The following JAM3 variants were observed in gnomAD, a reference collection of about 807,000 sequenced individuals.
The protein encoded by JAM3 is junctional adhesion molecule 3, also known as junctional adhesion molecule C.
A neutral mutation model predicts 39.4 loss-of-function variants in JAM3; 31 were observed. The observed-to-expected ratio is 0.79, with a 90% CI of 0.59 to 1.06. The LOEUF (loss-of-function observed/expected upper bound fraction) is 1.06. Ranked by LOEUF, JAM3 falls within the 50% of genes least tolerant of loss-of-function variation. JAM3 has a pLI of 0.00. For synonymous variants in JAM3, 182 were observed against 148.7 expected, an observed-to-expected ratio of 1.22 and a Z score of -1.63; for missense variants, 455 against 391.4, an observed-to-expected ratio of 1.16 and a Z score of -1.37.
At chr11:134,114,950 C>G (rs1334577008) in intron 1 of JAM3, among the ~76,000 whole-genome samples, 1 of 152,174 alleles carries the variant, frequency 6.6e-6, no homozygotes, top group Admixed American at 6.6e-5. Context: ...AAATCTCGAA[C>G]AAAGAATCCT....
intron 1 of JAM3, among the ~76,000 whole-genome samples, chr11:134,116,158 T>C (rs1006750897): frequency 6.6e-6 from 1 of 152,180 alleles, no homozygotes; most frequent in African/African-American, 2.4e-5. Context: ...GAGAATCAGA[T>C]AATTTGTGGA....
intron 1 of JAM3, among the ~76,000 whole-genome samples, chr11:134,120,034 C>T (rs1942504281): frequency 6.6e-6 from 1 of 151,912 alleles, no homozygotes; most frequent in Non-Finnish European, 1.5e-5. Flanking sequence ...TGTTCTTTAT[C>T]CACCCCCACC....
rs79830063 is a variant in JAM3, at chr11:134,139,712, G to T, written c.77-139G>T. The T allele has an allele frequency of 3.3e-3, 2,358 of 722,000 alleles. 32 individuals are homozygous for T. The African/African-American group carries it at 0.033, about 10-fold the overall frequency. 44.7% of individuals were successfully genotyped at this position (722,000 alleles called of 1,614,324 possible). A position where few individuals can be genotyped will look rare whatever the true frequency, so the allele number is the denominator to read the frequency against. On this transcript the variant is annotated intron_variant, in intron 1 of 8. Coordinates refer to ENST00000299106, the MANE Select transcript of JAM3 (RefSeq NM_032801.5). ...AGCAGTTAACTTGGCTTACCTAAGA[G>T]ACTTTATTGTGGAATATTTTTCCAT...
At position 134,149,675 on chromosome 11, in the gene JAM3, G is replaced by A. The variant is rs1373233428; in HGVS notation, c.*494G>A. The A allele has an allele frequency of 1.5e-5, 7 of 456,910 alleles. No individual in the cohort carries two copies. Among genetic ancestry groups the A allele is most frequent in the South Asian group, 7.7e-5 (5 of 64,590 alleles). The allele number at this position is 456,910 out of a possible 1,614,324, so 28.3% of individuals were successfully genotyped here. On this transcript the variant is annotated 3_prime_UTR_variant, in exon 9 of 9. Coordinates refer to ENST00000299106, the MANE Select transcript of JAM3 (RefSeq NM_032801.5). ...ACTTCATCGGCCCACAGACACCACC[G>A]CAGTTTCTTCTTAAAGGCTCTGCTG...
chr11:134,076,151 C>CTTTTTTTTTTTTT (rs551303530), intron 1 of JAM3, among the ~76,000 whole-genome samples: 7 of 120,390 alleles, frequency 5.8e-5, no homozygotes, highest in African/African-American at 9.8e-5. Flanking sequence ...TCTTTTCTTT[C>CTTTTTTTTTTTTT]TTTTTTTTTT....
chr11:134,129,159 G>A (rs1165587735), intron 1 of JAM3, among the ~76,000 whole-genome samples: 4 of 141,218 alleles, frequency 2.8e-5, no homozygotes, highest in African/African-American at 1.1e-4. Context: ...TCGCTCTGTT[G>A]CCCAGGTTGG....
rs888925760 is a variant in JAM3 at position 134,150,282 on chromosome 11, C to G, written c.*1101C>G. The G allele has an allele frequency of 1.4e-4, 21 of 152,410 alleles. No homozygotes were observed. Among genetic ancestry groups the G allele is most frequent in the Admixed American group, 9.8e-4 (15 of 15,284 alleles). 9.4% of individuals were successfully genotyped at this position (152,410 alleles called of 1,614,324 possible). Reference sequence around the variant, plus strand: ...TTGCATCTCTTCAAAAGAAACCTCTCAGGTTAGCTTTGAACTGCCTCTTCC... The same window carrying G: ...TTGCATCTCTTCAAAAGAAACCTCTGAGGTTAGCTTTGAACTGCCTCTTCC... On this transcript the variant is annotated 3_prime_UTR_variant, in exon 9 of 9. Coordinates refer to ENST00000299106, the MANE Select transcript of JAM3 (RefSeq NM_032801.5).
In JAM3 at chr11:134,144,106, A is replaced by C. The variant is rs1474063598; in HGVS notation, c.257-135A>C. The C allele has an allele frequency of 9.7e-6, 8 of 826,492 alleles. No individual in the cohort carries two copies. The Admixed American group carries it at 1.4e-4, about 15-fold the overall frequency. 51.2% of individuals were successfully genotyped at this position (826,492 alleles called of 1,614,324 possible). A position where few individuals can be genotyped will look rare whatever the true frequency, so the allele number is the denominator to read the frequency against. Reference sequence around the variant, plus strand: ...TGTCCTCAAGAGAGTTCACTTCTGTACTCGGGAATAGAAATAAATATTGAT... The same window carrying C: ...TGTCCTCAAGAGAGTTCACTTCTGTCCTCGGGAATAGAAATAAATATTGAT... On this transcript the variant is annotated intron_variant, in intron 3 of 8. Coordinates refer to ENST00000299106, the MANE Select transcript of JAM3 (RefSeq NM_032801.5).
intron 1 of JAM3, among the ~76,000 whole-genome samples, chr11:134,104,436 CAATT>C (rs1424472116): frequency 6.6e-6 from 1 of 151,996 alleles, no homozygotes; most frequent in African/African-American, 2.4e-5. Flanking sequence ...CCTAACATCA[CAATT>C]AAAAGAACTA....
chr11:134,103,878 C>T (rs918329649), intron 1 of JAM3, among the ~76,000 whole-genome samples: 40 of 152,292 alleles, frequency 2.6e-4, no homozygotes, highest in Non-Finnish European at 3.7e-4. Context: ...TAGGGACCTA[C>T]AAAGAGACTT....
At chr11:134,088,789 C>T (rs1333713461) in intron 1 of JAM3, among the ~76,000 whole-genome samples, 2 of 152,144 alleles carry the variant, frequency 1.3e-5, no homozygotes, top group Admixed American at 1.3e-4. Context: ...TATATCACAT[C>T]TGTGTTTGTT....
chr11:134,092,001 A>T (rs1453979925), intron 1 of JAM3, among the ~76,000 whole-genome samples: 1 of 152,172 alleles, frequency 6.6e-6, no homozygotes, highest in African/African-American at 2.4e-5. Flanking sequence ...CATTTTAAAA[A>T]ATAATTGAGT....
At chr11:134,122,004 T>C (rs1942543184) in intron 1 of JAM3, among the ~76,000 whole-genome samples, 1 of 152,252 alleles carries the variant, frequency 6.6e-6, no homozygotes, top group Non-Finnish European at 1.5e-5. Context: ...TGTTGTGTTT[T>C]GAAATGGAGA....
At chr11:134,112,406 G>T (rs1311993311) in intron 1 of JAM3, among the ~76,000 whole-genome samples, 2 of 152,076 alleles carry the variant, frequency 1.3e-5, no homozygotes, top group Admixed American at 6.5e-5. Context: ...AATTTAAAAT[G>T]GGCTGTATAC....
At chr11:134,115,178 T>A (rs970237664) in intron 1 of JAM3, among the ~76,000 whole-genome samples, 17 of 152,330 alleles carry the variant, frequency 1.1e-4, no homozygotes, top group African/African-American at 4.1e-4. Flanking sequence ...GAAATATACT[T>A]TGATACTAAT....
In JAM3 at chr11:134,069,211, A is replaced by C. The variant is rs1285920340; in HGVS notation, c.76+52A>C. 2.5e-6 allele frequency: 4 copies of C among 1,591,248 alleles called. No homozygotes were observed. In the East Asian group the frequency reaches 9.1e-5, roughly 36 times the overall value. ...GAGACTAGGGTCTGGGGGCGACGGA[A>C]GCAGAGCGGGCCGAAGCTGCTGGAG... On this transcript the variant is annotated intron_variant, in intron 1 of 8. Coordinates refer to ENST00000299106, the MANE Select transcript of JAM3 (RefSeq NM_032801.5).
At chr11:134,091,644 T>A (rs1174097283) in intron 1 of JAM3, among the ~76,000 whole-genome samples, 1 of 139,520 alleles carries the variant, frequency 7.2e-6, no homozygotes, top group Non-Finnish European at 1.5e-5. Context: ...AAAAAAAAAA[T>A]TGTTGTCATC....
At chr11:134,079,500 C>T (rs772075371) in intron 1 of JAM3, among the ~76,000 whole-genome samples, 13 of 152,096 alleles carry the variant, frequency 8.5e-5, no homozygotes, top group African/African-American at 2.2e-4. Context: ...TGGAAGGCTC[C>T]GTTGTTTGCA....
At chr11:134,111,890 A>G (rs1942319070) in intron 1 of JAM3, among the ~76,000 whole-genome samples, 1 of 152,210 alleles carries the variant, frequency 6.6e-6, no homozygotes, top group African/African-American at 2.4e-5. Flanking sequence ...GTTATAATGG[A>G]AGCCCAGTGT....
Sources: allele counts gnomAD v4.1 joint callset (sites outside exome capture counted in the v4.1 genomes callset), GRCh38; gene constraint gnomAD v4.1.1; transcripts MANE v1.5; gene names NCBI Gene and HGNC (gene_info 2026-07-23, HGNC 2026-07-21).